The following TMED3 variants were observed in gnomAD, a reference collection of about 807,000 sequenced individuals.
TMED3 encodes transmembrane emp24 domain-containing protein 3.
A neutral mutation model predicts 15.0 loss-of-function variants in TMED3; 9 were observed. The observed-to-expected ratio is 0.60, with a 90% CI of 0.36 to 1.04. The LOEUF is 1.04. Among genes scored for constraint, TMED3 ranks in the 50% least tolerant of loss-of-function variants. The pLI is 0.01. For synonymous variants in TMED3, 117 were observed against 121.4 expected, an observed-to-expected ratio of 0.96 and a Z score of 0.24; for missense variants, 267 against 278.9, an observed-to-expected ratio of 0.96 and a Z score of 0.30.
rs200433784 is a variant in TMED3 at position 79,344,360 on chromosome 15, G to C, written c.417+30355G>C. Reference sequence around the variant, plus strand: ...ATAATTTTTTCCTCTCACAGCTTTGGAAACCATAATTCTAAAGTCAAGGTA... The same window carrying C: ...ATAATTTTTTCCTCTCACAGCTTTGCAAACCATAATTCTAAAGTCAAGGTA... On this transcript the variant is annotated intron_variant, in intron 2 of 2. Transcript: ENST00000424155. Among the ~76,000 whole-genome samples the C allele has an allele frequency of 4.6e-5, 7 of 152,184 alleles. No homozygotes were observed. The East Asian group carries it at 1.3e-3, about 29-fold the overall frequency.
Position 79,332,310 on chromosome 15 carries a change from C to G in TMED3, c.417+18305C>G, listed in dbSNP as rs1437694621. Among the ~76,000 whole-genome samples, 4 of 152,342 alleles carry G rather than the reference C, an allele frequency of 2.6e-5. No homozygotes were observed. In the South Asian group the frequency reaches 6.2e-4, roughly 24 times the overall value. On this transcript the variant is annotated intron_variant, in intron 2 of 2. Coordinates refer to the TMED3 transcript ENST00000424155. ...GAGAGCAGCAGACAGGATTGCCCAT[C>G]AGGCTCCAAGGGAGACAATCCTGTA... is the stretch of plus-strand genomic sequence containing the variant.
chr15:79,324,212 C>G (rs1205595499), downstream of TMED3, among the ~76,000 whole-genome samples: 6 of 152,262 alleles, frequency 3.9e-5, no homozygotes, highest in South Asian at 8.3e-4. Flanking sequence ...AGGATGGTCT[C>G]GATCTCCTGA....
rs189718172 is a variant in TMED3, at chr15:79,320,759, A to T, written c.418-1219A>T. On this transcript the variant is annotated intron_variant, in intron 2 of 2. Transcript: ENST00000299705. ...TGCTGAGTAACTAATTACTACAAACATAGTGTCTTAATGCAATACTCACTT... is the reference window on the plus strand; with the variant it reads ...TGCTGAGTAACTAATTACTACAAACTTAGTGTCTTAATGCAATACTCACTT... Among the ~76,000 whole-genome samples the T allele has an allele frequency of 2.0e-5, 3 of 152,320 alleles. No homozygotes were observed. The East Asian group carries it at 5.8e-4, about 29-fold the overall frequency.
chr15:79,404,039 G>T (rs1042819968), intron 2 of TMED3, among the ~76,000 whole-genome samples: 6 of 152,304 alleles, frequency 3.9e-5, no homozygotes, highest in Non-Finnish European at 5.9e-5. Context: ...GTATCTTCCA[G>T]GTGATGTGGT....
chr15:79,403,775 A>T (rs1380263499), intron 2 of TMED3, among the ~76,000 whole-genome samples: 1 of 152,202 alleles, frequency 6.6e-6, no homozygotes, highest in Non-Finnish European at 1.5e-5. Context: ...AACGGAATTT[A>T]GAGTAATGGA....
intron 2 of TMED3, 118 bp downstream of exon 2, chr15:79,314,123 C>T (rs999899014): frequency 6.3e-6 from 9 of 1,418,360 alleles, no homozygotes; most frequent in Admixed American, 2.4e-5. Flanking sequence ...CTGGAAGTCT[C>T]AGGGTTGGTT....
At chr15:79,376,066 A>ACTT (rs1321364658) in intron 2 of TMED3, among the ~76,000 whole-genome samples, 1 of 148,664 alleles carries the variant, frequency 6.7e-6, no homozygotes, top group Non-Finnish European at 1.5e-5. Context: ...CCGTATCAAA[A>ACTT]CTTACTTCAT....
exon 3 of TMED3, chr15:79,413,168 C>G (rs2141262527): frequency 6.6e-6 from 1 of 152,354 alleles, no homozygotes; most frequent in Non-Finnish European, 1.5e-5. Context: ...AGAGTACCTT[C>G]TTTCTCCAAA....
intron 2 of TMED3, among the ~76,000 whole-genome samples, chr15:79,392,293 A>G (rs1337463342): frequency 6.6e-6 from 1 of 152,194 alleles, no homozygotes; most frequent in Non-Finnish European, 1.5e-5. Flanking sequence ...TTGTAGTGGT[A>G]GCCTGGGAGT....
chr15:79,374,592 A>G (rs999339020), intron 2 of TMED3, among the ~76,000 whole-genome samples: 1 of 152,328 alleles, frequency 6.6e-6, no homozygotes, highest in African/African-American at 2.4e-5. Flanking sequence ...CATGAAAAAA[A>G]TGCATAAAGT....
intron 2 of TMED3, among the ~76,000 whole-genome samples, chr15:79,402,614 C>G (rs1595911907): frequency 6.6e-6 from 1 of 151,698 alleles, no homozygotes; most frequent in Admixed American, 6.6e-5. Context: ...CCCGTCTTTA[C>G]TAAAACTACA....
intron 2 of TMED3, among the ~76,000 whole-genome samples, chr15:79,390,514 C>A (rs565552719): frequency 1.3e-5 from 2 of 151,988 alleles, no homozygotes; most frequent in Non-Finnish European, 2.9e-5. Context: ...AGGATTTTAG[C>A]ATCTATGTTC....
At chr15:79,341,243 G>A (rs200630731) in intron 2 of TMED3, among the ~76,000 whole-genome samples, 5 of 138,742 alleles carry the variant, frequency 3.6e-5, no homozygotes, top group African/African-American at 1.3e-4. Context: ...GCCAGCAGGG[G>A]AAGAAAGACA....
In TMED3 at chr15:79,353,254, AAT is replaced by A. The variant is rs1291049611; in HGVS notation, c.417+39256_417+39257del. On this transcript the variant is annotated intron_variant, in intron 2 of 2. Coordinates refer to the TMED3 transcript ENST00000424155. The stretch of plus-strand genomic sequence containing the variant: ...TATATAAAATATATATACTATATAT[AAT>A]ATATATTATATATAATATATATAAT... Among the ~76,000 whole-genome samples the A allele has an allele frequency of 5.0e-5, 2 of 40,028 alleles. 1 individual carries two copies. Among genetic ancestry groups the A allele is most frequent in the African/African-American group, 3.1e-4 (2 of 6,522 alleles). 26.3% of individuals were successfully genotyped at this position (40,028 alleles called of 152,430 possible). A position where few individuals can be genotyped will look rare whatever the true frequency, so the allele number is the denominator to read the frequency against.
intron 2 of TMED3, among the ~76,000 whole-genome samples, chr15:79,389,444 C>T (rs1264653535): frequency 3.3e-5 from 5 of 152,026 alleles, no homozygotes; most frequent in African/African-American, 7.2e-5. Context: ...GTTCCATTGG[C>T]CTATGTGCCT....
At chr15:79,347,527 G>A (rs1490922616) in intron 2 of TMED3, among the ~76,000 whole-genome samples, 2 of 152,124 alleles carry the variant, frequency 1.3e-5, no homozygotes, top group African/African-American at 4.8e-5. Flanking sequence ...GGAAGTCACG[G>A]CCAGGGCAAT....
chr15:79,406,115 G>A (rs1052041472), intron 2 of TMED3, among the ~76,000 whole-genome samples: 9 of 152,252 alleles, frequency 5.9e-5, no homozygotes, highest in African/African-American at 1.9e-4. Context: ...TAGATGAATT[G>A]AATACAGAGA....
At chr15:79,389,392 T>C (rs190919844) in intron 2 of TMED3, among the ~76,000 whole-genome samples, 12 of 152,248 alleles carry the variant, frequency 7.9e-5, no homozygotes, top group Admixed American at 7.8e-4. Context: ...CGAAGATCAG[T>C]TGTCTGTAAG....
chr15:79,410,272 C>G (rs1893956819), intron 2 of TMED3, among the ~76,000 whole-genome samples: 1 of 152,102 alleles, frequency 6.6e-6, no homozygotes, highest in African/African-American at 2.4e-5. Context: ...TCATAGAAAA[C>G]TAGGTAAAAT....
Sources: gnomAD v4.1 joint callset for allele counts (sites outside exome capture counted in the v4.1 genomes callset) on GRCh38, gnomAD v4.1.1 for gene constraint, MANE v1.5 for transcripts, NCBI Gene and HGNC (gene_info 2026-07-23, HGNC 2026-07-21) for gene names.